Variants in RFX3 observed in about 807,000 individuals in gnomAD.
RFX3 encodes regulatory factor X3, also known as transcription factor RFX3.
A neutral mutation model predicts 98.6 loss-of-function variants in RFX3; 14 were observed. That is an observed-to-expected ratio of 0.14 (90% CI 0.09 to 0.22). RFX3 has a LOEUF of 0.22. RFX3 is among the 10% of genes least tolerant of loss of function. RFX3 has a pLI of 1.00. For missense variants in RFX3, 639 were observed against 926.9 expected, an observed-to-expected ratio of 0.69 and a Z score of 4.03; for synonymous variants, 383 against 328.4, an observed-to-expected ratio of 1.17 and a Z score of -1.80.
chr9:3,502,221 G>A (rs1181362824), intron 1 of RFX3, among the ~76,000 whole-genome samples: 3 of 151,026 alleles, frequency 2.0e-5, no homozygotes, highest in Admixed American at 6.6e-5. Flanking sequence ...ATCACGCACT[G>A]CACTCCAGCC....
intron 3 of RFX3, among the ~76,000 whole-genome samples, chr9:3,338,609 G>C (rs1258662685): frequency 6.6e-6 from 1 of 152,102 alleles, no homozygotes. Flanking sequence ...CAGAGAGCTA[G>C]GTCCCACCCC....
chr9:3,342,292 G>A (rs1481617237), intron 3 of RFX3, among the ~76,000 whole-genome samples: 1 of 152,034 alleles, frequency 6.6e-6, no homozygotes, highest in African/African-American at 2.4e-5. Context: ...AGGAATTGAG[G>A]GTTCTCAAGA....
chr9:3,232,791 A>T (rs1818642510), intron 15 of RFX3, among the ~76,000 whole-genome samples: 1 of 144,048 alleles, frequency 6.9e-6, no homozygotes, highest in Non-Finnish European at 1.5e-5. Flanking sequence ...AGAGAGAGAG[A>T]GAGAGAGAGA....
At chr9:3,351,786 C>T (rs1465560512) in intron 2 of RFX3, among the ~76,000 whole-genome samples, 1 of 151,520 alleles carries the variant, frequency 6.6e-6, no homozygotes, top group Non-Finnish European at 1.5e-5. Flanking sequence ...TAAAAATTAC[C>T]AAAGGGATTA....
intron 15 of RFX3, among the ~76,000 whole-genome samples, chr9:3,243,562 C>T (rs1820240802): frequency 6.6e-6 from 1 of 152,130 alleles, no homozygotes; most frequent in Non-Finnish European, 1.5e-5. Flanking sequence ...TTGTATATAT[C>T]TTGTTTATAT....
intron 7 of RFX3, among the ~76,000 whole-genome samples, chr9:3,279,682 G>A (rs1448628238): frequency 6.6e-6 from 1 of 151,762 alleles, no homozygotes; most frequent in African/African-American, 2.4e-5. Flanking sequence ...ATCTAACTGC[G>A]CACAATGCTT....
At chr9:3,255,051 A>G (rs1821931508) in intron 14 of RFX3, among the ~76,000 whole-genome samples, 1 of 152,238 alleles carries the variant, frequency 6.6e-6, no homozygotes, top group South Asian at 2.1e-4. Context: ...GCTTTCTTTC[A>G]TTGCATTTGA....
At chr9:3,266,521 G>C (rs369848757) in intron 11 of RFX3, among the ~76,000 whole-genome samples, 32 of 151,670 alleles carry the variant, frequency 2.1e-4, no homozygotes, top group Admixed American at 6.6e-4. Context: ...TTTGTTCCCA[G>C]ATACTTATGA....
At chr9:3,517,656 A>G (rs1818307584) in intron 1 of RFX3, among the ~76,000 whole-genome samples, 1 of 152,238 alleles carries the variant, frequency 6.6e-6, no homozygotes, top group Admixed American at 6.5e-5. Flanking sequence ...GGCATCTGTG[A>G]TTGTGCAAAC....
intron 13 of RFX3, among the ~76,000 whole-genome samples, chr9:3,260,120 T>G (rs925300632): frequency 6.6e-6 from 1 of 152,020 alleles, no homozygotes; most frequent in Non-Finnish European, 1.5e-5. Flanking sequence ...CTCATTAATA[T>G]GTACAGAGCT....
At chr9:3,262,731 G>A (rs1242776160) in intron 13 of RFX3, among the ~76,000 whole-genome samples, 1 of 152,146 alleles carries the variant, frequency 6.6e-6, no homozygotes, top group South Asian at 2.1e-4. Context: ...TGTCTTTTAG[G>A]ACTGTAAATG....
chr9:3,475,266 G>A (rs371713389), intron 1 of RFX3, among the ~76,000 whole-genome samples: 4 of 151,952 alleles, frequency 2.6e-5, no homozygotes, highest in African/African-American at 2.4e-5. Flanking sequence ...GTGCAGAGAC[G>A]AGAGATTGTA....
chr9:3,436,329 TAAAAGAACATACAGAAGC>T (rs1349825478), intron 1 of RFX3, among the ~76,000 whole-genome samples: 1 of 151,994 alleles, frequency 6.6e-6, no homozygotes, highest in East Asian at 1.9e-4. Context: ...ATCCAGTTTA[TAAAAGAACATACAGAAGC>T]AAGAATATAG....
At chr9:3,406,363 C>G (rs1841972518) in intron 1 of RFX3, among the ~76,000 whole-genome samples, 1 of 151,846 alleles carries the variant, frequency 6.6e-6, no homozygotes, top group African/African-American at 2.4e-5. Context: ...CAGGAGAAAT[C>G]CTACTTTCCC....
chr9:3,524,759 G>A (rs1398519867), intron 1 of RFX3: 3 of 250,872 alleles, frequency 1.2e-5, no homozygotes, highest in Non-Finnish European at 1.8e-5. Flanking sequence ...TCCACATGAA[G>A]GATAAAGCAC....
intron 1 of RFX3, among the ~76,000 whole-genome samples, chr9:3,519,182 G>T (rs1436451587): frequency 2.0e-5 from 3 of 152,126 alleles, no homozygotes; most frequent in Non-Finnish European, 4.4e-5. Flanking sequence ...GACCAGGAGA[G>T]TTATGCAAAC....
intron 3 of RFX3, among the ~76,000 whole-genome samples, chr9:3,337,501 A>G (rs1011289420): frequency 2.0e-5 from 3 of 152,192 alleles, no homozygotes; most frequent in African/African-American, 7.2e-5. Flanking sequence ...GACTTGCTCT[A>G]AACAAGGAGC....
At chr9:3,268,283 G>C (rs1219657226) in intron 11 of RFX3, among the ~76,000 whole-genome samples, 4 of 151,686 alleles carry the variant, frequency 2.6e-5, no homozygotes, top group African/African-American at 9.7e-5. Context: ...TGAAGTGCTA[G>C]TAGCCAGGAA....
chr9:3,499,141 A>C (rs1282937122), intron 1 of RFX3, among the ~76,000 whole-genome samples: 3 of 152,162 alleles, frequency 2.0e-5, no homozygotes, highest in Non-Finnish European at 2.9e-5. Context: ...TCTACATTTC[A>C]ATTATACCAC....
Sources: allele counts gnomAD v4.1 joint callset (sites outside exome capture counted in the v4.1 genomes callset), GRCh38; gene constraint gnomAD v4.1.1; transcripts MANE v1.5; gene names NCBI Gene and HGNC (gene_info 2026-07-23, HGNC 2026-07-21).